CCBE1: variants seen among roughly 807,000 people sequenced by gnomAD.
CCBE1 encodes collagen and calcium binding EGF domains 1, also known as collagen and calcium-binding EGF domain-containing protein 1.
In CCBE1, 37 loss-of-function variants were observed where a neutral mutation model predicts 50.0. The ratio of observed to expected loss-of-function variants is 0.74; its 90% confidence interval spans 0.57 to 0.97. The LOEUF (loss-of-function observed/expected upper bound fraction) is 0.97, where lower values mean the gene tolerates loss of function less well. CCBE1 is among the 50% of genes least tolerant of loss of function. The pLI is 0.00. For synonymous variants in CCBE1, 234 were observed against 203.7 expected, an observed-to-expected ratio of 1.15 and a Z score of -1.27; for missense variants, 538 against 523.8, an observed-to-expected ratio of 1.03 and a Z score of -0.26.
intron 2 of CCBE1, among the ~76,000 whole-genome samples, chr18:59,659,110 A>C (rs1201130381): frequency 6.6e-6 from 1 of 152,082 alleles, no homozygotes; most frequent in Non-Finnish European, 1.5e-5. Flanking sequence ...TTCCACACAC[A>C]TTATGTGTAA....
chr18:59,528,844 G>A (rs1914933428), intron 2 of CCBE1, among the ~76,000 whole-genome samples: 2 of 152,212 alleles, frequency 1.3e-5, no homozygotes, highest in Admixed American at 1.3e-4. Flanking sequence ...TCCTCTGGGA[G>A]CTCCATCCCA....
intron 2 of CCBE1, among the ~76,000 whole-genome samples, chr18:59,664,508 C>A (rs1031417700): frequency 2.0e-5 from 3 of 152,284 alleles, no homozygotes; most frequent in Admixed American, 2.0e-4. Context: ...TGCAAGACAT[C>A]CACAATAAAC....
At chr18:59,609,156 T>C (rs138105440) in intron 2 of CCBE1, among the ~76,000 whole-genome samples, 140 of 152,342 alleles carry the variant, frequency 9.2e-4, no homozygotes, top group Non-Finnish European at 1.7e-3. Flanking sequence ...CTGGATTCCT[T>C]AGTGTTCTGT....
intron 2 of CCBE1, among the ~76,000 whole-genome samples, chr18:59,677,246 T>C (rs1403824991): frequency 6.6e-6 from 1 of 152,128 alleles, no homozygotes; most frequent in African/African-American, 2.4e-5. Context: ...ACTGGATACA[T>C]TTGATAAAAG....
intron 2 of CCBE1, among the ~76,000 whole-genome samples, chr18:59,592,275 A>G (rs2053282445): frequency 6.6e-6 from 1 of 152,214 alleles, no homozygotes; most frequent in South Asian, 2.1e-4. Context: ...CTATGTGTAT[A>G]AGGTATATAT....
At chr18:59,628,225 A>G (rs2053811826) in intron 2 of CCBE1, among the ~76,000 whole-genome samples, 1 of 152,180 alleles carries the variant, frequency 6.6e-6, no homozygotes, top group Non-Finnish European at 1.5e-5. Flanking sequence ...TCAAAAAAGA[A>G]ATCCAGATTC....
chr18:59,673,954 C>T (rs887235536), intron 2 of CCBE1, among the ~76,000 whole-genome samples: 1 of 152,150 alleles, frequency 6.6e-6, no homozygotes, highest in East Asian at 1.9e-4. Flanking sequence ...ATGCTGGCCT[C>T]ATAAAATGAG....
chr18:59,476,087 G>C (rs879681589), intron 3 of CCBE1, among the ~76,000 whole-genome samples: 8 of 152,030 alleles, frequency 5.3e-5, no homozygotes, highest in Non-Finnish European at 8.8e-5. Context: ...GCTTTAGGGT[G>C]CATAGTATAG....
At chr18:59,664,337 A>AG (rs1384187431) in intron 2 of CCBE1, among the ~76,000 whole-genome samples, 2 of 152,158 alleles carry the variant, frequency 1.3e-5, no homozygotes, top group African/African-American at 4.8e-5. Flanking sequence ...CTCCAAAGAG[A>AG]GAAGCGCAGC....
intron 2 of CCBE1, among the ~76,000 whole-genome samples, chr18:59,542,756 C>T (rs1330277635): frequency 2.6e-5 from 4 of 151,944 alleles, no homozygotes; most frequent in African/African-American, 9.7e-5. Context: ...TCCCACACAT[C>T]CTTTCCTCCC....
intron 2 of CCBE1, among the ~76,000 whole-genome samples, chr18:59,628,330 TAAG>T (rs1568241941): frequency 6.6e-6 from 1 of 152,192 alleles, no homozygotes; most frequent in African/African-American, 2.4e-5. Flanking sequence ...TTAAAAATAA[TAAG>T]GAGAATATGC....
intron 2 of CCBE1, among the ~76,000 whole-genome samples, chr18:59,502,901 G>A (rs1193102493): frequency 1.3e-5 from 2 of 152,172 alleles, no homozygotes; most frequent in African/African-American, 2.4e-5. Context: ...ATCAAAGGAT[G>A]CATACGTTCT....
At chr18:59,585,571 G>A (rs2053167921) in intron 2 of CCBE1, among the ~76,000 whole-genome samples, 1 of 152,114 alleles carries the variant, frequency 6.6e-6, no homozygotes, top group Admixed American at 6.5e-5. Context: ...TCAAATTCTA[G>A]CTTCTCCAGT....
chr18:59,615,535 T>C (rs980986316), intron 2 of CCBE1, among the ~76,000 whole-genome samples: 10 of 151,886 alleles, frequency 6.6e-5, no homozygotes, highest in African/African-American at 2.4e-4. Context: ...CTTTAAGGTG[T>C]TTTCACTGTA....
intron 2 of CCBE1, among the ~76,000 whole-genome samples, chr18:59,500,219 C>T (rs963146122): frequency 1.3e-5 from 2 of 152,210 alleles, no homozygotes; most frequent in Non-Finnish European, 2.9e-5. Context: ...CAGCCAGACA[C>T]ACAGCAGGAT....
At chr18:59,654,659 G>A (rs963427623) in intron 2 of CCBE1, among the ~76,000 whole-genome samples, 4 of 151,896 alleles carry the variant, frequency 2.6e-5, no homozygotes, top group African/African-American at 7.3e-5. Context: ...GGGCATGGTC[G>A]CACGCACCTG....
intron 2 of CCBE1, among the ~76,000 whole-genome samples, chr18:59,559,281 G>A (rs1480030626): frequency 2.0e-5 from 3 of 152,218 alleles, no homozygotes; most frequent in Non-Finnish European, 4.4e-5. Context: ...GGAAGTGCAT[G>A]TCCAGTCCCT....
rs530543321 is a variant in CCBE1, at chr18:59,613,145, G to A, written c.212+83484C>T. Among the ~76,000 whole-genome samples the A allele has an allele frequency of 5.2e-4, 79 of 152,048 alleles. 3 individuals are homozygous for A. The South Asian group carries it at 0.016, about 31-fold the overall frequency. ...GTAACTGGATTAAAAATAGGAGCAT[G>A]CTCTACACCTGTGTATCTACACCAG... On this transcript the variant is annotated intron_variant, in intron 2 of 10. Coordinates refer to ENST00000439986, the MANE Select transcript of CCBE1 (RefSeq NM_133459.4).
intron 2 of CCBE1, among the ~76,000 whole-genome samples, chr18:59,615,651 T>C (rs116206069): frequency 5.6e-4 from 85 of 152,350 alleles, no homozygotes; most frequent in African/African-American, 1.6e-3. Context: ...TTTATCAATA[T>C]GATACTTGGC....
Sources: gnomAD v4.1 joint callset for allele counts (sites outside exome capture counted in the v4.1 genomes callset) on GRCh38, gnomAD v4.1.1 for gene constraint, MANE v1.5 for transcripts, NCBI Gene and HGNC (gene_info 2026-07-23, HGNC 2026-07-21) for gene names.